The following RIF1 variants were observed in gnomAD, a reference collection of about 807,000 sequenced individuals.
RIF1 encodes the protein telomere-associated protein RIF1.
A neutral mutation model predicts 247.1 loss-of-function variants in RIF1; 45 were observed. That is an observed-to-expected ratio of 0.18 (90% CI 0.14 to 0.23). The LOEUF (loss-of-function observed/expected upper bound fraction) is 0.23. Ranked by LOEUF, RIF1 falls within the 10% of genes least tolerant of loss-of-function variation. The pLI, the probability that RIF1 is intolerant of heterozygous loss-of-function variation, is 1.00. For missense variants in RIF1, 2,967 were observed against 2,862.5 expected (o/e 1.04, Z -0.83); for synonymous variants, 1,087 against 978.8 (o/e 1.11, Z -2.06).
chr2:151,516,338 A>G, the RIF1 span: 6 of 619,316 alleles, frequency 9.7e-6, no homozygotes, highest in African/African-American at 1.8e-5. Flanking sequence ...TAGTGATCAC[A>G]TGATAAAAAG....
intron 6 of RIF1, among the ~76,000 whole-genome samples, chr2:151,417,196 A>G (rs1687350750): frequency 6.6e-6 from 1 of 152,214 alleles, no homozygotes. Context: ...GTAAGGATTT[A>G]AAAAATAATG....
intron 10 of RIF1, chr2:151,496,908 G>C: frequency 6.6e-7 from 1 of 1,505,078 alleles, no homozygotes; most frequent in Non-Finnish European, 9.0e-7. Context: ...TTTAAAATCA[G>C]TAAGTAGTTT....
rs563224214 is a variant in RIF1, at chr2:151,493,152, T to G, written c.*416-2077T>G. 1.2e-4 allele frequency: 63 copies of G among 533,196 alleles called. 1 individual carries two copies. Among genetic ancestry groups the G allele is most frequent in the East Asian group, 1.0e-3 (32 of 31,934 alleles). The allele number at this position is 533,196 out of a possible 1,614,324, so 33.0% of individuals were successfully genotyped here. ...GATGGTTTGGAATGTAAAAGCACAG[T>G]TAATGTCTATTTTAGTGTAAATTTT... is the stretch of plus-strand genomic sequence containing the variant. On this transcript the variant is annotated intron_variant and NMD_transcript_variant, in intron 9 of 13. Transcript: ENST00000454583.
At chr2:151,446,173 A>T (rs181433783) in intron 19 of RIF1, among the ~76,000 whole-genome samples, 1 of 151,736 alleles carries the variant, frequency 6.6e-6, no homozygotes, top group Non-Finnish European at 1.5e-5. Context: ...CGTCCGGCTG[A>T]TTTTTTGTAT....
At position 151,458,917 on chromosome 2, in the gene RIF1, TG is replaced by T. The variant is rs775610492; in HGVS notation, c.2955+13del. 4.3e-5 allele frequency: 66 copies of T among 1,522,116 alleles called. No individual in the cohort carries two copies. The highest frequency in any genetic ancestry group is 5.8e-5 in the Non-Finnish European group (64 of 1,104,262). The allele number at this position is 1,522,116 out of a possible 1,614,324, so 94.3% of individuals were successfully genotyped here. A position where few individuals can be genotyped will look rare whatever the true frequency, so the allele number is the denominator to read the frequency against. On this transcript the variant is annotated splice_region_variant and intron_variant, in intron 25 of 35. Transcript: ENST00000444746. The stretch of plus-strand genomic sequence containing the variant: ...TGGACCATATTCTGATGGAGTAAGT[TG>T]GGGGGTTTTATTGTTCATTTGTTTT...
chr2:151,506,292 GAAGAA>G (rs1559339913), exon 13 of RIF1: 1 of 1,506,652 alleles, frequency 6.6e-7, no homozygotes, highest in Non-Finnish European at 9.2e-7. Flanking sequence ...TGTTAACACA[GAAGAA>G]AAGAAAACCC....
chr2:151,493,996 C>T, intron 9 of RIF1: 1 of 892,036 alleles, frequency 1.1e-6, no homozygotes, highest in South Asian at 1.7e-5. Flanking sequence ...AAGAAGAAAG[C>T]TTAAAAATAG....
intron 33 of RIF1, 115 bp from the exon 34 acceptor site, chr2:151,469,596 G>A: frequency 2.7e-6 from 2 of 748,266 alleles, no homozygotes; most frequent in Non-Finnish European, 3.9e-6. Flanking sequence ...TCTTCACTGT[G>A]GGCTAACCTC....
chr2:151,447,488 C>A (rs2152417589), intron 20 of RIF1, among the ~76,000 whole-genome samples: 1 of 152,304 alleles, frequency 6.6e-6, no homozygotes, highest in South Asian at 2.1e-4. Context: ...TTATTTGTTT[C>A]AACTGCTGTC....
chr2:151,476,959 T>C lies in RIF1; in HGVS notation c.*1888T>C, dbSNP rs946784878. The C allele has an allele frequency of 1.3e-5, 2 of 152,198 alleles. No individual in the cohort carries two copies. The highest frequency in any genetic ancestry group is 2.4e-5 in the African/African-American group (1 of 41,462). 9.4% of individuals were successfully genotyped at this position (152,198 alleles called of 1,614,324 possible). The stretch of plus-strand genomic sequence containing the variant: ...GTGTGAACTAAACTTGCTGATTGAA[T>C]GAAATTCTTGGGAAGCCGAACAGTA... On this transcript the variant is annotated 3_prime_UTR_variant, in exon 36 of 36. Coordinates refer to ENST00000444746, the MANE Select transcript of RIF1 (RefSeq NM_018151.5).
In RIF1 at chr2:151,496,180, G is replaced by A. The variant is rs893905427; in HGVS notation, c.*513+854G>A. ...GCTAAAGAAATTTCACAAAATTTAAGTTGTCTTTAAAAAGTAGGATTAATA... is the reference window on the plus strand; with the variant it reads ...GCTAAAGAAATTTCACAAAATTTAAATTGTCTTTAAAAAGTAGGATTAATA... On this transcript the variant is annotated intron_variant and NMD_transcript_variant, in intron 10 of 13. Coordinates refer to the RIF1 transcript ENST00000454583. The A allele has an allele frequency of 6.8e-6, 9 of 1,325,360 alleles. No individual in the cohort carries two copies. In the African/African-American group the frequency reaches 1.0e-4, roughly 15 times the overall value. 82.1% of individuals were successfully genotyped at this position (1,325,360 alleles called of 1,614,324 possible).
chr2:151,424,013 T>C (rs1256276097), intron 8 of RIF1, among the ~76,000 whole-genome samples: 1 of 150,168 alleles, frequency 6.7e-6, no homozygotes, highest in South Asian at 2.1e-4. Context: ...CTACTTCCTG[T>C]CTCTGAATTT....
chr2:151,506,631 AAG>A (rs1272353129), intron 13 of RIF1, among the ~76,000 whole-genome samples: 1 of 152,254 alleles, frequency 6.6e-6, no homozygotes, highest in East Asian at 1.9e-4. Flanking sequence ...CAATGTCAAA[AAG>A]AAATCCATCT....
chr2:151,422,855 T>C (rs1688413059), intron 7 of RIF1, 95 bp from the exon 8 acceptor site: 1 of 695,170 alleles, frequency 1.4e-6, no homozygotes, highest in Non-Finnish European at 2.5e-6. Context: ...GAAAACTATT[T>C]GGTTGAATCA....
At chr2:151,499,467 G>T in exon 11 of RIF1, 1 of 755,108 alleles carries the variant, frequency 1.3e-6, no homozygotes. Context: ...TGGGGAACCT[G>T]GTATAAAACT....
chr2:151,503,518 T>G, intron 12 of RIF1: 1 of 943,410 alleles, frequency 1.1e-6, no homozygotes, highest in South Asian at 1.4e-5. Context: ...TGTGGGCTAT[T>G]TGGGGGAAAC....
intron 13 of RIF1, chr2:151,507,082 TATG>T (rs2069666261): frequency 1.0e-6 from 1 of 976,586 alleles, no homozygotes; most frequent in East Asian, 2.4e-5. Flanking sequence ...TGTCCTATAT[TATG>T]TGAAGAAAAT....
the RIF1 span, chr2:151,530,847 T>A: frequency 3.2e-5 from 19 of 591,802 alleles, no homozygotes; most frequent in Non-Finnish European, 5.4e-5. Flanking sequence ...ACTTACCGAA[T>A]CATGAGCAAA....
chr2:151,468,773 G>T lies in RIF1; in HGVS notation c.6941+17G>T, dbSNP rs1248470667. 4.5e-6 allele frequency: 7 copies of T among 1,542,878 alleles called. No individual in the cohort carries two copies. The highest frequency in any genetic ancestry group is 4.1e-5 in the African/African-American group (3 of 73,446). On this transcript the variant is annotated intron_variant, in intron 33 of 35. Coordinates refer to ENST00000444746, the MANE Select transcript of RIF1 (RefSeq NM_018151.5). ...AAACATGTGGTAAGTGGTTATTTAG[G>T]CTTCTTGCTTATATTCCAAGATGCC...
Sources: allele counts gnomAD v4.1 joint callset (sites outside exome capture counted in the v4.1 genomes callset), GRCh38; gene constraint gnomAD v4.1.1; transcripts MANE v1.5; gene names NCBI Gene and HGNC (gene_info 2026-07-23, HGNC 2026-07-21).